The following ZNF407 variants were observed in gnomAD, a reference collection of about 807,000 sequenced individuals.
ZNF407 encodes the protein zinc finger protein 407.
Under a neutral mutation model 131.2 loss-of-function variants are expected in ZNF407, and 17 were observed. The observed-to-expected ratio is 0.13, with a 90% CI of 0.09 to 0.19. ZNF407 has a LOEUF of 0.19. Among genes scored for constraint, ZNF407 ranks in the 10% least tolerant of loss-of-function variants. ZNF407 has a pLI of 1.00. For missense variants in ZNF407, 2,681 were observed against 2,830.6 expected, an observed-to-expected ratio of 0.95 and a Z score of 1.20; for synonymous variants, 1,156 against 1,062.0, an observed-to-expected ratio of 1.09 and a Z score of -1.72.
intron 3 of ZNF407, among the ~76,000 whole-genome samples, chr18:74,661,056 A>G (rs1420359727): frequency 5.3e-5 from 8 of 152,192 alleles, no homozygotes; most frequent in Non-Finnish European, 1.2e-4. Flanking sequence ...ATTTTTTACA[A>G]AACGATTTTC....
At chr18:74,686,119 G>C (rs1223807932) in intron 3 of ZNF407, among the ~76,000 whole-genome samples, 18 of 152,184 alleles carry the variant, frequency 1.2e-4, no homozygotes, top group Non-Finnish European at 2.9e-5. Context: ...CACTGTGCGA[G>C]TGCCATTGAT....
intron 4 of ZNF407, among the ~76,000 whole-genome samples, chr18:74,854,695 T>C (rs1056751751): frequency 2.6e-5 from 4 of 152,082 alleles, no homozygotes; most frequent in Non-Finnish European, 5.9e-5. Flanking sequence ...ACAATATATA[T>C]TACACACCCA....
intron 4 of ZNF407, among the ~76,000 whole-genome samples, chr18:74,796,756 C>A (rs1196636429): frequency 6.6e-6 from 1 of 151,980 alleles, no homozygotes; most frequent in Non-Finnish European, 1.5e-5. Flanking sequence ...TGGGTTTGAA[C>A]GTAATTCTAT....
At chr18:74,877,641 A>G (rs901305037) in intron 5 of ZNF407, among the ~76,000 whole-genome samples, 1 of 152,228 alleles carries the variant, frequency 6.6e-6, no homozygotes, top group African/African-American at 2.4e-5. Context: ...ATGTGTATAT[A>G]TATATTTGTA....
chr18:74,891,850 T>G (rs1051281097), intron 7 of ZNF407, among the ~76,000 whole-genome samples: 1 of 152,196 alleles, frequency 6.6e-6, no homozygotes, highest in Non-Finnish European at 1.5e-5. Context: ...CAGTTTTTAC[T>G]CTATGCATAA....
chr18:74,600,738 C>G (rs1475734360), intron 1 of ZNF407, among the ~76,000 whole-genome samples: 1 of 152,012 alleles, frequency 6.6e-6, no homozygotes, highest in African/African-American at 2.4e-5. Flanking sequence ...GACTTCCAAG[C>G]GTCAAAAGGT....
rs371729890 is a variant in ZNF407, at chr18:74,877,371, G to A, written c.5044+8G>A. On this transcript the variant is annotated splice_region_variant and intron_variant, in intron 5 of 8. Coordinates refer to ENST00000299687, the MANE Select transcript of ZNF407 (RefSeq NM_017757.3). ...ACTACAGGACGCACACAGGTGTGCC[G>A]CGCCGCCTTCCTATCCCAGGAGGCT... 12 of 1,609,622 alleles carry A rather than the reference G, an allele frequency of 7.5e-6. No homozygotes were observed. The highest frequency in any genetic ancestry group is 1.0e-5 in the Non-Finnish European group (12 of 1,177,440).
At chr18:74,672,674 TTTTA>T (rs1986200267) in intron 3 of ZNF407, among the ~76,000 whole-genome samples, 1 of 152,188 alleles carries the variant, frequency 6.6e-6, no homozygotes. Context: ...GGAGCACTGT[TTTTA>T]TCTGCTCATC....
At chr18:74,616,823 C>A (rs909285327) in intron 1 of ZNF407, among the ~76,000 whole-genome samples, 4 of 75,660 alleles carry the variant, frequency 5.3e-5, no homozygotes, top group Non-Finnish European at 2.9e-5. Context: ...ACACCACACG[C>A]ATCCATATCC....
chr18:74,649,229 G>A (rs1438264072), intron 3 of ZNF407, among the ~76,000 whole-genome samples: 1 of 152,218 alleles, frequency 6.6e-6, no homozygotes, highest in East Asian at 1.9e-4. Context: ...AGGGATGGTT[G>A]TTTTTGAAGG....
chr18:75,009,108 T>A (rs117467165), intron 8 of ZNF407, among the ~76,000 whole-genome samples: 159 of 152,318 alleles, frequency 1.0e-3, no homozygotes, highest in Admixed American at 1.8e-3. Flanking sequence ...TTCAGGGAAT[T>A]GGCATCTTTG....
intron 3 of ZNF407, among the ~76,000 whole-genome samples, chr18:74,713,771 G>T (rs562152686): frequency 6.6e-6 from 1 of 152,178 alleles, no homozygotes; most frequent in Non-Finnish European, 1.5e-5. Flanking sequence ...TTACTATTGG[G>T]TATTTGACAG....
intron 8 of ZNF407, among the ~76,000 whole-genome samples, chr18:74,930,719 A>T (rs1971973368): frequency 6.6e-6 from 1 of 152,146 alleles, no homozygotes; most frequent in Non-Finnish European, 1.5e-5. Context: ...CTCCTGCCTT[A>T]ACCACTGCCC....
chr18:74,862,349 C>G (rs756337866), intron 4 of ZNF407, among the ~76,000 whole-genome samples: 2 of 152,120 alleles, frequency 1.3e-5, no homozygotes, highest in Non-Finnish European at 2.9e-5. Flanking sequence ...TCTACAGATG[C>G]TGTAAGTAGC....
At chr18:75,060,649 G>T (rs1281247917) in intron 8 of ZNF407, among the ~76,000 whole-genome samples, 1 of 151,840 alleles carries the variant, frequency 6.6e-6, no homozygotes, top group Non-Finnish European at 1.5e-5. Flanking sequence ...GGGATTACAG[G>T]CACCCGCCAC....
chr18:74,698,464 T>C (rs1967412672), intron 3 of ZNF407, among the ~76,000 whole-genome samples: 1 of 152,170 alleles, frequency 6.6e-6, no homozygotes, highest in African/African-American at 2.4e-5. Flanking sequence ...GTTATATGTA[T>C]TATGTGTGTA....
At chr18:74,808,390 T>A (rs931311178) in intron 4 of ZNF407, among the ~76,000 whole-genome samples, 3 of 152,222 alleles carry the variant, frequency 2.0e-5, no homozygotes, top group African/African-American at 7.2e-5. Flanking sequence ...AAAGGATTAT[T>A]GTAATTACTA....
chr18:74,856,521 A>T (rs1265003507), intron 4 of ZNF407, among the ~76,000 whole-genome samples: 4 of 152,160 alleles, frequency 2.6e-5, no homozygotes, highest in Non-Finnish European at 5.9e-5. Flanking sequence ...TAAAGCCAGA[A>T]ATGTAGAACC....
chr18:74,873,442 G>A (rs1001660213), intron 4 of ZNF407, among the ~76,000 whole-genome samples: 2 of 152,194 alleles, frequency 1.3e-5, no homozygotes, highest in Non-Finnish European at 2.9e-5. Flanking sequence ...TAAGGCCAGA[G>A]TCAGCCCACA....
Sources: gnomAD v4.1 joint callset for allele counts (sites outside exome capture counted in the v4.1 genomes callset) on GRCh38, gnomAD v4.1.1 for gene constraint, MANE v1.5 for transcripts, NCBI Gene and HGNC (gene_info 2026-07-23, HGNC 2026-07-21) for gene names.